The following LINGO1 variants were observed in gnomAD, a reference collection of about 807,000 sequenced individuals.
LINGO1 encodes the protein leucine-rich repeat and immunoglobulin-like domain-containing nogo receptor-interacting protein 1.
LINGO1 carries 11 observed loss-of-function variants against 37.3 expected under a neutral mutation model. That is an observed-to-expected ratio of 0.29 (90% CI 0.19 to 0.49). The LOEUF is 0.49. LINGO1 is among the 20% of genes least tolerant of loss of function. The pLI is 0.99. For synonymous variants in LINGO1, 387 were observed against 403.0 expected, an observed-to-expected ratio of 0.96 and a Z score of 0.48; for missense variants, 585 against 878.2, an observed-to-expected ratio of 0.67 and a Z score of 4.22.
intron 1 of LINGO1, among the ~76,000 whole-genome samples, chr15:77,631,975 TTACCCTCTA>T (rs2074268133): frequency 6.6e-6 from 1 of 151,948 alleles, no homozygotes; most frequent in Non-Finnish European, 1.5e-5. Context: ...AGCAGGGGGC[TTACCCTCTA>T]GAGTGACCAA....
chr15:77,647,409 G>A (rs1332824540), intron 3 of LINGO1, among the ~76,000 whole-genome samples: 3 of 151,768 alleles, frequency 2.0e-5, no homozygotes, highest in East Asian at 1.9e-4. Flanking sequence ...GCTGGGGGGT[G>A]GTGGGGGGAC....
upstream of LINGO1, among the ~76,000 whole-genome samples, chr15:77,699,654 T>TACTAACCATCCCCGCAC (rs2075749761): frequency 2.8e-4 from 1 of 3,578 alleles, no homozygotes; most frequent in Non-Finnish European, 8.2e-4. Context: ...ATCATCTGCA[T>TACTAACCATCCCCGCAC]ACAGTAAGCA....
chr15:77,638,749 G>C (rs1255665108), upstream of LINGO1, among the ~76,000 whole-genome samples: 1 of 152,124 alleles, frequency 6.6e-6, no homozygotes, highest in Non-Finnish European at 1.5e-5. Context: ...TGTCACCCTA[G>C]GCAAGTCACT....
chr15:77,795,927 G>C (rs951669847), intron 2 of LINGO1: 3 of 152,460 alleles, frequency 2.0e-5, no homozygotes, highest in Admixed American at 2.0e-4. Context: ...GCCACCCAGA[G>C]TGGCATCTTA....
chr15:77,662,425 C>G (rs918858991), intron 3 of LINGO1, among the ~76,000 whole-genome samples: 2 of 152,144 alleles, frequency 1.3e-5, no homozygotes, highest in Non-Finnish European at 2.9e-5. Flanking sequence ...ATGAGGTTCT[C>G]AAAGAGGGAA....
intron 1 of LINGO1, among the ~76,000 whole-genome samples, chr15:77,626,487 A>C (rs540573006): frequency 4.5e-4 from 68 of 152,248 alleles, no homozygotes; most frequent in African/African-American, 1.2e-3. Context: ...AACCTGGTAA[A>C]CTGAGCCCAG....
chr15:77,776,902 C>T (rs898540344), intron 1 of LINGO1, among the ~76,000 whole-genome samples: 4 of 152,188 alleles, frequency 2.6e-5, no homozygotes, highest in Non-Finnish European at 5.9e-5. Context: ...TGAGGCATAG[C>T]CAAGGCCACC....
chr15:77,793,773 G>A (rs1433283687), intron 2 of LINGO1, among the ~76,000 whole-genome samples: 1 of 152,172 alleles, frequency 6.6e-6, no homozygotes, highest in African/African-American at 2.4e-5. Context: ...AAGTGTAAAA[G>A]GCAAGTTAGA....
intron 2 of LINGO1, among the ~76,000 whole-genome samples, chr15:77,792,805 T>C (rs562213011): frequency 5.3e-5 from 8 of 152,352 alleles, no homozygotes; most frequent in South Asian, 2.1e-4. Flanking sequence ...CAGAGAACAA[T>C]GCCTCATGTG....
At chr15:77,755,733 C>T (rs2076412683) in intron 1 of LINGO1, among the ~76,000 whole-genome samples, 1 of 152,180 alleles carries the variant, frequency 6.6e-6, no homozygotes, top group Non-Finnish European at 1.5e-5. Context: ...ATGTGCTGGG[C>T]ATTCTGCAGC....
chr15:77,790,232 AC>A (rs1311316102), upstream of LINGO1, among the ~76,000 whole-genome samples: 1 of 152,176 alleles, frequency 6.6e-6, no homozygotes, highest in Non-Finnish European at 1.5e-5. Context: ...ACATTGGGAC[AC>A]TGGACACACC....
At chr15:77,767,956 A>T (rs1461510680) in intron 1 of LINGO1, among the ~76,000 whole-genome samples, 4 of 152,260 alleles carry the variant, frequency 2.6e-5, no homozygotes, top group Non-Finnish European at 4.4e-5. Flanking sequence ...ATTTAGACGT[A>T]GGGAAGTAAA....
intron 2 of LINGO1, among the ~76,000 whole-genome samples, chr15:77,727,609 G>C (rs1024552305): frequency 6.6e-6 from 1 of 152,210 alleles, no homozygotes; most frequent in African/African-American, 2.4e-5. Context: ...TTGTTGTCCA[G>C]TGGATACAGA....
intron 1 of LINGO1, among the ~76,000 whole-genome samples, chr15:77,626,607 G>A (rs2074097221): frequency 6.6e-6 from 1 of 152,180 alleles, no homozygotes. Flanking sequence ...CCCAGACTTG[G>A]GGGAGGAACT....
intron 1 of LINGO1, among the ~76,000 whole-genome samples, chr15:77,776,522 G>A (rs56273268): frequency 1.9e-5 from 1 of 52,470 alleles, no homozygotes. Context: ...GGCAGGAAGG[G>A]AGGAAGGGAG....
intron 3 of LINGO1, among the ~76,000 whole-genome samples, chr15:77,641,468 C>T (rs902074301): frequency 2.6e-5 from 4 of 152,170 alleles, no homozygotes; most frequent in Non-Finnish European, 5.9e-5. Flanking sequence ...GGACCCAGGG[C>T]GGCTGCTTGT....
At chr15:77,642,873 G>C (rs2074540543) in intron 3 of LINGO1, among the ~76,000 whole-genome samples, 1 of 152,230 alleles carries the variant, frequency 6.6e-6, no homozygotes, top group Non-Finnish European at 1.5e-5. Flanking sequence ...TATCTCACTT[G>C]TGCAGCCTTG....
chr15:77,811,547 C>A (rs4243051), intron 1 of LINGO1, among the ~76,000 whole-genome samples: 1 of 151,336 alleles, frequency 6.6e-6, no homozygotes, highest in Non-Finnish European at 1.5e-5. Context: ...GCTGTGCCTG[C>A]GGCTTGCTGG....
At chr15:77,798,525 G>T (rs2076891787) in intron 1 of LINGO1, among the ~76,000 whole-genome samples, 1 of 152,232 alleles carries the variant, frequency 6.6e-6, no homozygotes, top group Admixed American at 6.5e-5. Context: ...TCTCCTCTGT[G>T]GCATCACAAG....
Sources: allele counts gnomAD v4.1 joint callset (sites outside exome capture counted in the v4.1 genomes callset), GRCh38; gene constraint gnomAD v4.1.1; transcripts MANE v1.5; gene names NCBI Gene and HGNC (gene_info 2026-07-23, HGNC 2026-07-21).